The following ZNF469 variants were observed in gnomAD, a reference collection of about 807,000 sequenced individuals.
The protein encoded by ZNF469 is zinc finger protein 469.
In ZNF469, 1 loss-of-function variant was observed where a neutral mutation model predicts 1.0. The observed-to-expected ratio is 1.00, with a 90% CI of 0.35 to 4.73. The LOEUF (loss-of-function observed/expected upper bound fraction) is 4.73. Ranked by LOEUF, ZNF469 falls within the 30% of genes most tolerant of loss-of-function variation. The pLI, the probability that ZNF469 is intolerant of heterozygous loss-of-function variation, is 0.16. For synonymous variants in ZNF469, 2,703 were observed against 2,363.4 expected, an observed-to-expected ratio of 1.14 and a Z score of -4.17; for missense variants, 6,100 against 5,356.3, an observed-to-expected ratio of 1.14 and a Z score of -4.33.
chr16:88,162,414 G>A, the ZNF469 span, among the ~76,000 whole-genome samples: 1 of 148,844 alleles, frequency 6.7e-6, no homozygotes, highest in East Asian at 1.9e-4. Flanking sequence ...AGCCAGAAAT[G>A]CTTGAAGACT....
the ZNF469 span, among the ~76,000 whole-genome samples, chr16:88,140,085 A>G: frequency 2.0e-5 from 3 of 152,236 alleles, no homozygotes; most frequent in African/African-American, 7.2e-5. Flanking sequence ...AACAGCAGGA[A>G]ATACATGTGT....
At chr16:88,156,091 G>T in the ZNF469 span, among the ~76,000 whole-genome samples, 1 of 152,102 alleles carries the variant, frequency 6.6e-6, no homozygotes, top group East Asian at 1.9e-4. Context: ...ATATTAATCA[G>T]GTTATCTGTC....
chr16:88,438,834 C>G lies in ZNF469; in HGVS notation c.11364C>G (p.Ser3788Arg). The G allele has an allele frequency of 6.4e-7, 1 of 1,550,408 alleles. No individual in the cohort carries two copies. The highest frequency in any genetic ancestry group is 2.0e-5 in the Admixed American group (1 of 51,010). Residue 3788 changes from serine to arginine, a missense_variant, in exon 3 of 3, where the codon AGC (serine) becomes AGG (arginine). By Grantham distance (110) the Ser-to-Arg change is moderately radical. Transcript: ENST00000565624. ...TCCCCGCTCGAGCCCAAGCCAAGAG[C>G]TGCACCAAGGGGCCAAGGGAAGCTG... ...ERLPARAQAK[S>R]CTKGPREAGE...
At chr16:88,395,392 G>A (rs1460606742) in intron 1 of ZNF469, among the ~76,000 whole-genome samples, 2 of 139,394 alleles carry the variant, frequency 1.4e-5, no homozygotes, top group African/African-American at 5.8e-5. Context: ...TGGATGGGTA[G>A]GTAGGTAGAT....
chr16:88,169,355 C>T, the ZNF469 span, among the ~76,000 whole-genome samples: 132 of 152,196 alleles, frequency 8.7e-4, no homozygotes, highest in Admixed American at 8.6e-3. The surrounding 1 kb of genome is among the most constrained non-coding windows in gnomAD (Gnocchi z 6.1). Context: ...TGTTCTATCA[C>T]TCCCCCAGAC....
At chr16:88,157,744 C>A in the ZNF469 span, among the ~76,000 whole-genome samples, 2 of 152,196 alleles carry the variant, frequency 1.3e-5, no homozygotes, top group Non-Finnish European at 2.9e-5. Flanking sequence ...CTTCCCTCAG[C>A]CCCCATCCCG....
chr16:88,349,910 A>AGG, the ZNF469 span, among the ~76,000 whole-genome samples: 1 of 5,486 alleles, frequency 1.8e-4, no homozygotes, highest in African/African-American at 6.1e-4. Context: ...CACACACAAT[A>AGG]CACACTACAC....
the ZNF469 span, among the ~76,000 whole-genome samples, chr16:88,239,796 G>A: frequency 4.5e-3 from 639 of 142,078 alleles, 3 homozygotes; most frequent in Middle Eastern, 8.2e-3. Flanking sequence ...TCCTGACCTC[G>A]TGATCTGCCT....
At position 88,424,033 on chromosome 16, in the gene ZNF469, T is replaced by A. The variant is rs1317218195; in HGVS notation, c.-191-774T>A. 6.6e-6 allele frequency among the ~76,000 whole-genome samples: 1 copy of A among 152,226 alleles called. No individual in the cohort carries two copies. Among genetic ancestry groups the A allele is most frequent in the East Asian group, 1.9e-4 (1 of 5,194 alleles). On this transcript the variant is annotated intron_variant, in intron 1 of 2. Transcript: ENST00000565624. This position sits in a 1 kb window ranked among gnomAD's most constrained non-coding sequence, Gnocchi z 4.3. The stretch of plus-strand genomic sequence containing the variant: ...GAGACTGACAATTGGACAATCTCCT[T>A]CCAAAGTCAAACGCAGGTGCCCTTT...
rs776427057 is a variant in ZNF469 at position 88,434,543 on chromosome 16, C to T, written c.7073C>T (p.Ala2358Val). ...ACTGAGCCTCCCACGCTACAGGGTG[C>T]AGGGCCGGACTCCCCCGCCTGCCTG... ...VPTEPPTLQG[A>V]GPDSPACLEG... is the part of the protein sequence containing the mutation. The change falls in exon 3 of 3, where the codon GCA becomes GTA. Residue 2358 changes from alanine (A) to valine (V), a missense_variant. By Grantham distance (64) the Ala-to-Val change is moderately conservative (BLOSUM62 0). Coordinates refer to ENST00000565624, the MANE Select transcript of ZNF469 (RefSeq NM_001367624.2). 28 of 1,550,316 alleles carry T rather than the reference C, an allele frequency of 1.8e-5. No individual in the cohort carries two copies. In the South Asian group the frequency reaches 2.4e-4, roughly 13 times the overall value.
chr16:88,175,628 A>G, the ZNF469 span, among the ~76,000 whole-genome samples: 1 of 152,256 alleles, frequency 6.6e-6, no homozygotes, highest in Non-Finnish European at 1.5e-5. Context: ...GAAAATTAAA[A>G]AATATTTGGA....
At chr16:88,337,185 CT>C in the ZNF469 span, among the ~76,000 whole-genome samples, 1 of 152,202 alleles carries the variant, frequency 6.6e-6, no homozygotes, top group Non-Finnish European at 1.5e-5. Flanking sequence ...CAAATCTCAT[CT>C]TAAATGGTGG....
chr16:88,236,118 C>G, the ZNF469 span, among the ~76,000 whole-genome samples: 1 of 152,240 alleles, frequency 6.6e-6, no homozygotes, highest in Admixed American at 6.5e-5. Flanking sequence ...GGGGGCTGCC[C>G]TTCAAGGCAA....
At chr16:88,142,900 C>T in the ZNF469 span, among the ~76,000 whole-genome samples, 4 of 152,332 alleles carry the variant, frequency 2.6e-5, no homozygotes, top group East Asian at 1.9e-4. Flanking sequence ...TCACCCTCCA[C>T]GCACAGGGGC....
At chr16:88,152,043 C>G in the ZNF469 span, among the ~76,000 whole-genome samples, 1 of 152,186 alleles carries the variant, frequency 6.6e-6, no homozygotes, top group Admixed American at 6.5e-5. The surrounding 1 kb of genome is among the most constrained non-coding windows in gnomAD (Gnocchi z 4.2). Flanking sequence ...CTTCTCAGCT[C>G]TTGGGGGCAG....
chr16:88,283,099 G>A, the ZNF469 span, among the ~76,000 whole-genome samples: 1 of 152,082 alleles, frequency 6.6e-6, no homozygotes, highest in Non-Finnish European at 1.5e-5. Context: ...TGCACAAATT[G>A]TTTATTTTAG....
chr16:88,340,192 C>A, the ZNF469 span, among the ~76,000 whole-genome samples: 2 of 152,170 alleles, frequency 1.3e-5, no homozygotes, highest in Non-Finnish European at 2.9e-5. Context: ...CAGTCCAGGC[C>A]GGCACGGCAG....
chr16:88,319,748 C>G, the ZNF469 span, among the ~76,000 whole-genome samples: 1 of 152,222 alleles, frequency 6.6e-6, no homozygotes, highest in Non-Finnish European at 1.5e-5. Flanking sequence ...GCTGAGTGGT[C>G]AGGAGCCGGC....
At chr16:88,308,095 C>A in the ZNF469 span, among the ~76,000 whole-genome samples, 9 of 152,326 alleles carry the variant, frequency 5.9e-5, no homozygotes, top group East Asian at 1.9e-4. Flanking sequence ...AAAAATTATT[C>A]TTTCCCTGTT....
Sources: gnomAD v4.1 joint callset for allele counts (sites outside exome capture counted in the v4.1 genomes callset) on GRCh38, gnomAD v4.1.1 for gene constraint, Gnocchi (gnomAD v3.1) non-coding constraint, MANE v1.5 for transcripts, NCBI Gene and HGNC (gene_info 2026-07-23, HGNC 2026-07-21) for gene names.